MPHOSPH9: variants seen among roughly 807,000 people sequenced by gnomAD.
The protein encoded by MPHOSPH9 is M-phase phosphoprotein 9.
In MPHOSPH9, 88 loss-of-function variants were observed where a neutral mutation model predicts 145.5. The observed-to-expected ratio is 0.60, with a 90% CI of 0.51 to 0.72. The LOEUF is 0.72. Among genes scored for constraint, MPHOSPH9 ranks in the 30% least tolerant of loss-of-function variants. The pLI is 0.00. For synonymous variants in MPHOSPH9, 435 were observed against 486.2 expected, an observed-to-expected ratio of 0.89 and a Z score of 1.39; for missense variants, 1,238 against 1,386.6, an observed-to-expected ratio of 0.89 and a Z score of 1.70.
chr12:123,188,302 G>A (rs2045537032), intron 13 of MPHOSPH9, among the ~76,000 whole-genome samples: 1 of 152,082 alleles, frequency 6.6e-6, no homozygotes, highest in African/African-American at 2.4e-5. Flanking sequence ...ACTACTGGCA[G>A]GAAAATAAAC....
At chr12:123,232,219 T>C (rs1412877726) in intron 1 of MPHOSPH9, among the ~76,000 whole-genome samples, 3 of 151,862 alleles carry the variant, frequency 2.0e-5, no homozygotes, top group Non-Finnish European at 2.9e-5. Flanking sequence ...CAACCCCATC[T>C]ATTATTTCCC....
At chr12:123,154,211 AG>A (rs2043819238), downstream of MPHOSPH9, 1 of 126,862 alleles carries the variant, frequency 7.9e-6, no homozygotes, top group Non-Finnish European at 1.5e-5. Flanking sequence ...AGATTTGCTT[AG>A]GGTTTTTTTT....
intron 13 of MPHOSPH9, among the ~76,000 whole-genome samples, chr12:123,193,433 A>G (rs1342702619): frequency 5.3e-5 from 8 of 152,104 alleles, no homozygotes; most frequent in African/African-American, 1.9e-4. Flanking sequence ...GAAAATTTCA[A>G]CAGCCTAAAT....
chr12:123,197,296 C>T (rs912793028), intron 12 of MPHOSPH9, among the ~76,000 whole-genome samples: 2 of 151,814 alleles, frequency 1.3e-5, no homozygotes, highest in African/African-American at 4.8e-5. Flanking sequence ...ATCCTCCTGC[C>T]TCAGTCTCCC....
chr12:123,180,708 A>G (rs1225757299), intron 14 of MPHOSPH9, among the ~76,000 whole-genome samples: 1 of 152,032 alleles, frequency 6.6e-6, no homozygotes. Context: ...TCCTGTCTCT[A>G]CTAAAAATAT....
At chr12:123,199,097 C>T (rs1360428228) in intron 11 of MPHOSPH9, among the ~76,000 whole-genome samples, 1 of 151,810 alleles carries the variant, frequency 6.6e-6, no homozygotes, top group Admixed American at 6.6e-5. Context: ...ACTTAACCTT[C>T]TGGGATCAAG....
At chr12:123,230,610 C>T (rs1468983826) in intron 1 of MPHOSPH9, 88 bp from the exon 2 acceptor site, 1 of 346,162 alleles carries the variant, frequency 2.9e-6, no homozygotes, top group African/African-American at 2.1e-5. Context: ...ACCTTAACTG[C>T]TTTCATACAG....
chr12:123,195,870 C>T (rs571543218), intron 12 of MPHOSPH9, among the ~76,000 whole-genome samples: 7 of 151,146 alleles, frequency 4.6e-5, no homozygotes, highest in African/African-American at 1.7e-4. Flanking sequence ...CGTGTCTCAA[C>T]AAAAAATTTT....
Position 123,203,046 on chromosome 12 carries a change from C to T in MPHOSPH9, c.1359G>A (p.Lys453=). The part of the protein sequence containing the change: ...TLDPTLHMKP[K]QQISGIQPHG... Reference sequence around the variant, plus strand: ...GAGGTTGAATCCCTGAAATCTGCTGCTTTGGCTTCATGTGTAACGTAGGAT... The same window carrying T: ...GAGGTTGAATCCCTGAAATCTGCTGTTTTGGCTTCATGTGTAACGTAGGAT... Residue 453 remains lysine (K), a synonymous_variant, in exon 10 of 24, where the codon AAG becomes AAA. Transcript: ENST00000606320. The T allele has an allele frequency of 6.2e-7, 1 of 1,614,078 alleles. No homozygotes were observed. Among genetic ancestry groups the T allele is most frequent in the South Asian group, 1.1e-5 (1 of 91,048 alleles).
intron 13 of MPHOSPH9, among the ~76,000 whole-genome samples, chr12:123,188,026 T>C (rs77017541): frequency 6.6e-6 from 1 of 151,614 alleles, no homozygotes; most frequent in African/African-American, 2.4e-5. Context: ...ATTCAGGAGG[T>C]TGAGGCAAGA....
At chr12:123,161,028 T>C in intron 22 of MPHOSPH9, 108 bp downstream of exon 22, 1 of 1,414,476 alleles carries the variant, frequency 7.1e-7, no homozygotes, top group South Asian at 1.3e-5. Flanking sequence ...TCTGGTATGT[T>C]ATCCCATTGT....
Position 123,160,810 on chromosome 12 carries a change from G to C in MPHOSPH9, c.3421C>G (p.Arg1141Gly), listed in dbSNP as rs755454925. 6 of 1,613,890 alleles carry C rather than the reference G, an allele frequency of 3.7e-6. No individual in the cohort carries two copies. The highest frequency in any genetic ancestry group is 5.1e-6 in the Non-Finnish European group (6 of 1,180,014). The change falls in exon 23 of 24, where the codon CGA becomes GGA. Residue 1141 changes from arginine to glycine, a missense_variant. By Grantham distance (125) the Arg-to-Gly change is moderately radical. Coordinates refer to ENST00000606320, the MANE Select transcript of MPHOSPH9 (RefSeq NM_022782.4). ...TTTAATCTTGTCTGTAAAGTGATTC[G>C]TCCTCCAGGAGAAGGCATCCTGCTT... ...ALSRMPSPGG[R>G]ITLQTRLNQE...
At chr12:123,230,210 G>C in intron 2 of MPHOSPH9, 51 bp downstream of exon 2, 1 of 925,666 alleles carries the variant, frequency 1.1e-6, no homozygotes, top group Non-Finnish European at 1.6e-6. Context: ...ATAAACGTAT[G>C]CAAATAAGGT....
downstream of MPHOSPH9, chr12:123,154,204 T>C (rs1565888019): frequency 1.4e-5 from 2 of 144,616 alleles, no homozygotes; most frequent in South Asian, 4.2e-4. Context: ...AGGTGGCAGA[T>C]TTGCTTAGGG....
At chr12:123,182,064 C>T (rs2045184353) in intron 13 of MPHOSPH9, among the ~76,000 whole-genome samples, 1 of 151,832 alleles carries the variant, frequency 6.6e-6, no homozygotes, top group African/African-American at 2.4e-5. Context: ...CCTCAGCCTC[C>T]CGAGTAGCTG....
intron 12 of MPHOSPH9, among the ~76,000 whole-genome samples, chr12:123,197,491 G>C (rs1206500746): frequency 6.6e-6 from 1 of 152,112 alleles, no homozygotes; most frequent in Non-Finnish European, 1.5e-5. Context: ...GTTTTAAAAG[G>C]GTAAAGTTTA....
Position 123,221,572 on chromosome 12 carries a change from AACAT to A in MPHOSPH9, c.668_671del (p.Asp223ValfsTer7). The stretch of plus-strand genomic sequence containing the variant: ...CAGGTGCTACATACTGTCCTTTGGG[AACAT>A]CTATGTGCTCCATGAACTCCTTAGG... On this transcript the variant is annotated frameshift_variant, in exon 5 of 24. Coordinates refer to ENST00000606320, the MANE Select transcript of MPHOSPH9 (RefSeq NM_022782.4). LOFTEE classifies it high-confidence loss of function. The A allele has an allele frequency of 6.2e-7, 1 of 1,614,186 alleles. No homozygotes were observed.
rs1689139734 is a variant in MPHOSPH9, at chr12:123,155,535, G to A, written c.*1272C>T. On this transcript the variant is annotated 3_prime_UTR_variant, in exon 24 of 24. Coordinates refer to ENST00000606320, the MANE Select transcript of MPHOSPH9 (RefSeq NM_022782.4). ...AAAAGCAAACCAAAATTTAAAACCT[G>A]AGCATGTTTAGTACGAATCCATTTT... The A allele has an allele frequency of 6.6e-6, 1 of 152,240 alleles. No individual in the cohort carries two copies. The highest frequency in any genetic ancestry group is 1.5e-5 in the Non-Finnish European group (1 of 68,044). The allele number at this position is 152,240 out of a possible 1,614,324, so 9.4% of individuals were successfully genotyped here.
intron 20 of MPHOSPH9, 152 bp downstream of exon 20, chr12:123,162,861 TA>T: frequency 1.5e-6 from 1 of 687,146 alleles, no homozygotes; most frequent in Admixed American, 4.1e-5. Context: ...TGCAGTACTT[TA>T]GTTGTAGTAT....
Sources: gnomAD v4.1 joint callset for allele counts (sites outside exome capture counted in the v4.1 genomes callset) on GRCh38, gnomAD v4.1.1 for gene constraint, MANE v1.5 for transcripts, NCBI Gene and HGNC (gene_info 2026-07-23, HGNC 2026-07-21) for gene names.